Variants in PCDHA1 observed in about 807,000 individuals in gnomAD.
The protein encoded by PCDHA1 is protocadherin alpha 1.
PCDHA1 carries 42 observed loss-of-function variants against 61.3 expected under a neutral mutation model. The ratio of observed to expected loss-of-function variants is 0.69; its 90% confidence interval spans 0.54 to 0.89. PCDHA1 has a LOEUF of 0.89. Among genes scored for constraint, PCDHA1 ranks in the 40% least tolerant of loss-of-function variants. PCDHA1 has a pLI of 0.00. For missense variants in PCDHA1, 1,256 were observed against 1,235.3 expected, an observed-to-expected ratio of 1.02 and a Z score of -0.25; for synonymous variants, 610 against 553.8, an observed-to-expected ratio of 1.10 and a Z score of -1.43.
intron 1 of PCDHA1, chr5:140,795,934 G>T: frequency 6.2e-7 from 1 of 1,613,992 alleles, no homozygotes; most frequent in South Asian, 1.1e-5. Context: ...CACTGCAACT[G>T]ACAAAGGAAC....
rs2150418084 is a variant in PCDHA1 at position 140,848,701 on chromosome 5, A to G, written c.2394+60017A>G. The G allele has an allele frequency of 3.1e-6, 5 of 1,592,360 alleles. 1 individual carries two copies. In the South Asian group the frequency reaches 4.4e-5, roughly 14 times the overall value. On this transcript the variant is annotated intron_variant, in intron 1 of 3. Transcript: ENST00000504120. Reference sequence around the variant, plus strand: ...CCGCGCCTGTTCCAGTTGGATTCCAAAGGCCGCGGGGACCTTCTGGAGGTA... The same window carrying G: ...CCGCGCCTGTTCCAGTTGGATTCCAGAGGCCGCGGGGACCTTCTGGAGGTA...
At chr5:140,918,252 C>T (rs931753296) in intron 1 of PCDHA1, among the ~76,000 whole-genome samples, 1 of 152,078 alleles carries the variant, frequency 6.6e-6, no homozygotes, top group East Asian at 1.9e-4. Context: ...TATGCTGAAA[C>T]TTTGCTGGAG....
intron 1 of PCDHA1, chr5:140,797,299 G>A: frequency 6.2e-7 from 1 of 1,614,192 alleles, no homozygotes. Flanking sequence ...CTTATCTCAA[G>A]GTCCAGACTC....
In PCDHA1 at chr5:140,800,048, T is replaced by C. The variant is rs193052251; in HGVS notation, c.2394+11364T>C. Among the ~76,000 whole-genome samples the C allele has an allele frequency of 3.0e-3, 458 of 152,274 alleles. 4 individuals are homozygous for C. Among genetic ancestry groups the C allele is most frequent in the Middle Eastern group, 0.014 (4 of 294 alleles). The stretch of plus-strand genomic sequence containing the variant: ...CTGTTTAGTTAAATAATCAATTCTT[T>C]CAAGTAACAACTTTTAAAAAAACTG... On this transcript the variant is annotated intron_variant, in intron 1 of 3. Transcript: ENST00000504120.
At chr5:140,927,816 A>G in intron 1 of PCDHA1, 2 of 1,614,198 alleles carry the variant, frequency 1.2e-6, no homozygotes, top group Non-Finnish European at 1.7e-6. Flanking sequence ...TCTTGGAGGC[A>G]TACATTGAGG....
chr5:140,958,159 A>T (rs782390357), intron 1 of PCDHA1, among the ~76,000 whole-genome samples: 35 of 152,134 alleles, frequency 2.3e-4, no homozygotes, highest in Non-Finnish European at 4.3e-4. Flanking sequence ...CATAGTCAAA[A>T]GCCTGGAGTG....
intron 1 of PCDHA1, among the ~76,000 whole-genome samples, chr5:140,881,137 A>G (rs1554171789): frequency 6.6e-6 from 1 of 152,246 alleles, no homozygotes; most frequent in Non-Finnish European, 1.5e-5. Context: ...AGAGATAGTT[A>G]TAACAATAGA....
rs1488136041 is a variant in PCDHA1, at chr5:140,788,499, C to T, written c.2209C>T (p.Pro737Ser). 2.5e-6 allele frequency: 4 copies of T among 1,613,970 alleles called. No individual in the cohort carries two copies. Among genetic ancestry groups the T allele is most frequent in the Middle Eastern group, 1.6e-4 (1 of 6,084 alleles). The change falls in exon 1 of 4, where the codon CCC (proline) becomes TCC (serine). Residue 737 changes from proline to serine, a missense_variant. Coordinates refer to ENST00000504120, the MANE Select transcript of PCDHA1 (RefSeq NM_018900.4). The part of the protein sequence containing the change: ...PTEGAYVPGK[P>S]TLVCSSALGS... ...TGAGGGTGCGTATGTGCCGGGCAAG[C>T]CCACTCTGGTGTGCTCCAGCGCGTT...
At chr5:140,915,995 C>T (rs1256886751) in intron 1 of PCDHA1, among the ~76,000 whole-genome samples, 4 of 152,180 alleles carry the variant, frequency 2.6e-5, no homozygotes, top group African/African-American at 4.8e-5. Context: ...TAAGCTGGCA[C>T]TCAAACCACA....
At chr5:140,955,823 T>C (rs1189753862) in intron 1 of PCDHA1, among the ~76,000 whole-genome samples, 1 of 152,208 alleles carries the variant, frequency 6.6e-6, no homozygotes, top group African/African-American at 2.4e-5. Flanking sequence ...GTGATTTCCT[T>C]GAGCAGTGGT....
At position 140,857,911 on chromosome 5, in the gene PCDHA1, T is replaced by C. The variant is rs144216608; in HGVS notation, c.2394+69227T>C. On this transcript the variant is annotated intron_variant, in intron 1 of 3. Transcript: ENST00000504120. ...CGGCGGTTGGTGCACGCATCCCGTT[T>C]CGCGTGGGGCTGTACACGGGCGAGA... 4,248 of 1,597,856 alleles carry C rather than the reference T, an allele frequency of 2.7e-3. 342 individuals are homozygous for C. Among genetic ancestry groups the C allele is most frequent in the Middle Eastern group, 0.01 (61 of 5,986 alleles).
chr5:140,895,692 A>G (rs1367486030), intron 1 of PCDHA1, among the ~76,000 whole-genome samples: 1 of 152,138 alleles, frequency 6.6e-6, no homozygotes, highest in African/African-American at 2.4e-5. Flanking sequence ...CTGTTTCTAT[A>G]TTAATTCACT....
intron 1 of PCDHA1, chr5:140,808,384 C>T: frequency 6.2e-7 from 1 of 1,614,182 alleles, no homozygotes; most frequent in Non-Finnish European, 8.5e-7. Flanking sequence ...AGCTGGTGTC[C>T]ACCTTCAAGA....
chr5:140,913,462 G>A (rs1300773586), intron 1 of PCDHA1, among the ~76,000 whole-genome samples: 1 of 151,764 alleles, frequency 6.6e-6, no homozygotes, highest in African/African-American at 2.4e-5. Context: ...TTATTTACTT[G>A]GGTCTTCTCT....
At position 140,823,979 on chromosome 5, in the gene PCDHA1, A is replaced by G. The variant is rs1554129682; in HGVS notation, c.2394+35295A>G. 10 of 1,613,672 alleles carry G rather than the reference A, an allele frequency of 6.2e-6. No homozygotes were observed. In the East Asian group the frequency reaches 2.0e-4, roughly 32 times the overall value. On this transcript the variant is annotated intron_variant, in intron 1 of 3. Coordinates refer to ENST00000504120, the MANE Select transcript of PCDHA1 (RefSeq NM_018900.4). ...ACCGAGGCCGTGTGCACACGGGGCAAGCCCACTCTGTTGTGCTCCAGCGCG... is the reference window on the plus strand; with the variant it reads ...ACCGAGGCCGTGTGCACACGGGGCAGGCCCACTCTGTTGTGCTCCAGCGCG...
At chr5:140,851,455 C>T in intron 1 of PCDHA1, 1 of 898,662 alleles carries the variant, frequency 1.1e-6, no homozygotes, top group Non-Finnish European at 1.4e-6. Context: ...CTTTAGGAAT[C>T]AAATTATGTC....
chr5:140,911,515 T>C (rs2075517327), intron 1 of PCDHA1, among the ~76,000 whole-genome samples: 1 of 152,226 alleles, frequency 6.6e-6, no homozygotes, highest in African/African-American at 2.4e-5. Flanking sequence ...CAGTATCTGC[T>C]TCTGAAGCTA....
intron 1 of PCDHA1, chr5:140,884,130 C>T (rs1554181258): frequency 3.1e-6 from 5 of 1,613,434 alleles, no homozygotes; most frequent in Non-Finnish European, 3.4e-6. Flanking sequence ...GCGCGCATCC[C>T]GTTCCGCGTG....
intron 1 of PCDHA1, chr5:140,855,966 T>C (rs1554148056): frequency 7.0e-7 from 1 of 1,422,664 alleles, no homozygotes; most frequent in South Asian, 1.4e-5. Flanking sequence ...AAAATAGATA[T>C]AAGAAATAGG....
Sources: allele counts gnomAD v4.1 joint callset (sites outside exome capture counted in the v4.1 genomes callset), GRCh38; gene constraint gnomAD v4.1.1; transcripts MANE v1.5; gene names NCBI Gene and HGNC (gene_info 2026-07-23, HGNC 2026-07-21).